DGKI: variants seen among roughly 807,000 people sequenced by gnomAD.
The protein encoded by DGKI is DAG kinase iota.
In DGKI, 55 loss-of-function variants were observed where a neutral mutation model predicts 147.5. That is an observed-to-expected ratio of 0.37 (90% CI 0.30 to 0.47). The LOEUF is 0.47. Among genes scored for constraint, DGKI ranks in the 20% least tolerant of loss-of-function variants. The pLI is 1.00. For synonymous variants in DGKI, 469 were observed against 477.1 expected (o/e 0.98, Z 0.22); for missense variants, 1,007 against 1,323.8 (o/e 0.76, Z 3.71).
intron 21 of DGKI, among the ~76,000 whole-genome samples, chr7:137,513,524 T>A (rs1816648082): frequency 6.6e-6 from 1 of 152,214 alleles, no homozygotes; most frequent in African/African-American, 2.4e-5. Flanking sequence ...AAAAGAGCAA[T>A]CTGTGGTGAA....
At chr7:137,401,369 A>C (rs1473755350) in intron 30 of DGKI, among the ~76,000 whole-genome samples, 8 of 137,312 alleles carry the variant, frequency 5.8e-5, no homozygotes, top group African/African-American at 1.8e-4. Flanking sequence ...CCAACTCTAC[A>C]AAAAAAAAAA....
At chr7:137,399,922 A>AAAAAAG (rs1554396176) in intron 30 of DGKI, among the ~76,000 whole-genome samples, 1 of 151,960 alleles carries the variant, frequency 6.6e-6, no homozygotes, top group African/African-American at 2.4e-5. Flanking sequence ...AAAAAAAAAA[A>AAAAAAG]AAAGAAAGAA....
intron 28 of DGKI, among the ~76,000 whole-genome samples, chr7:137,438,916 T>C (rs1463992926): frequency 3.9e-5 from 6 of 152,102 alleles, no homozygotes; most frequent in Admixed American, 2.0e-4. Context: ...GGAATACATA[T>C]ATGAGTTATA....
chr7:137,765,122 G>C (rs997169329), intron 1 of DGKI, among the ~76,000 whole-genome samples: 13 of 152,204 alleles, frequency 8.5e-5, no homozygotes, highest in African/African-American at 2.9e-4. Flanking sequence ...AACCATTGAA[G>C]AGGGGTGTTA....
chr7:137,591,909 A>G (rs901436421), intron 12 of DGKI, among the ~76,000 whole-genome samples: 1 of 152,204 alleles, frequency 6.6e-6, no homozygotes, highest in Non-Finnish European at 1.5e-5. Context: ...TTCAGCTGCC[A>G]TCAAATCAGA....
At chr7:137,457,577 C>T (rs764465074) in intron 27 of DGKI, among the ~76,000 whole-genome samples, 1 of 152,024 alleles carries the variant, frequency 6.6e-6, no homozygotes, top group East Asian at 1.9e-4. Context: ...TTTATCTTCT[C>T]GATATAGTGA....
chr7:137,579,381 G>A (rs1456395211), intron 15 of DGKI, among the ~76,000 whole-genome samples: 4 of 139,936 alleles, frequency 2.9e-5, no homozygotes, highest in African/African-American at 1.1e-4. Flanking sequence ...CTTAGCTTAA[G>A]ATTTCTTGAC....
At chr7:137,569,560 C>T (rs1306113604) in intron 19 of DGKI, among the ~76,000 whole-genome samples, 1 of 151,244 alleles carries the variant, frequency 6.6e-6, no homozygotes, top group Non-Finnish European at 1.5e-5. Flanking sequence ...AATCTCGTCT[C>T]TACTAAAAAT....
intron 23 of DGKI, among the ~76,000 whole-genome samples, chr7:137,484,377 G>T (rs1362523668): frequency 6.6e-6 from 1 of 152,078 alleles, no homozygotes; most frequent in Non-Finnish European, 1.5e-5. Flanking sequence ...GCTAAACCAG[G>T]ATTTTCACAT....
rs1319270345 is a variant in DGKI, at chr7:137,390,991, G to A, written c.*229C>T. ...ATAAGGATCAAATTTTGTGGAACTCGTACTGTATTCCACAAATCTCCAGGT... is the reference window on the plus strand; with the variant it reads ...ATAAGGATCAAATTTTGTGGAACTCATACTGTATTCCACAAATCTCCAGGT... On this transcript the variant is annotated 3_prime_UTR_variant, in exon 33 of 33. Transcript: ENST00000614521. The A allele has an allele frequency of 7.5e-6, 4 of 532,360 alleles. No homozygotes were observed. Among genetic ancestry groups the A allele is most frequent in the African/African-American group, 3.9e-5 (2 of 50,876 alleles). 33.0% of individuals were successfully genotyped at this position (532,360 alleles called of 1,614,324 possible).
At chr7:137,458,718 C>T (rs1158849124) in intron 27 of DGKI, among the ~76,000 whole-genome samples, 1 of 152,138 alleles carries the variant, frequency 6.6e-6, no homozygotes, top group Non-Finnish European at 1.5e-5. Flanking sequence ...CCTTACAACT[C>T]AAATAGATTT....
intron 28 of DGKI, among the ~76,000 whole-genome samples, chr7:137,423,411 C>A (rs1263326684): frequency 1.3e-5 from 2 of 152,170 alleles, no homozygotes; most frequent in Non-Finnish European, 2.9e-5. Flanking sequence ...TTGGGGTGAA[C>A]AAGTGTACTC....
At chr7:137,561,778 T>C (rs1479402287) in intron 19 of DGKI, among the ~76,000 whole-genome samples, 1 of 151,928 alleles carries the variant, frequency 6.6e-6, no homozygotes, top group Admixed American at 6.6e-5. Context: ...ACACACTATA[T>C]ACAAGGAAAT....
At position 137,479,420 on chromosome 7, in the gene DGKI, C is replaced by CAT. The variant is rs138719979; in HGVS notation, c.2373+5952_2373+5953dup. Among the ~76,000 whole-genome samples, 941 of 151,230 alleles carry CAT rather than the reference C, an allele frequency of 6.2e-3. 6 individuals carry two copies. Among genetic ancestry groups the CAT allele is most frequent in the African/African-American group, 0.013 (524 of 41,296 alleles). On this transcript the variant is annotated intron_variant, in intron 23 of 32. Coordinates refer to ENST00000614521, the MANE Select transcript of DGKI (RefSeq NM_001321708.2). ...GCACAAACACAAAACTGACATTCCT[C>CAT]ATATATATATATATTTCTGAAAGCC... is the stretch of plus-strand genomic sequence containing the variant.
At chr7:137,681,575 G>A (rs920236709) in intron 2 of DGKI, among the ~76,000 whole-genome samples, 4 of 152,118 alleles carry the variant, frequency 2.6e-5, no homozygotes, top group East Asian at 1.9e-4. Flanking sequence ...TTCTTTATTC[G>A]ATAACACTGG....
At chr7:137,465,580 T>G (rs549292264) in intron 26 of DGKI, among the ~76,000 whole-genome samples, 105 of 152,232 alleles carry the variant, frequency 6.9e-4, no homozygotes, top group South Asian at 3.5e-3. Context: ...AGGAGAAAAT[T>G]TGTCAAATCA....
At position 137,514,718 on chromosome 7, in the gene DGKI, G is replaced by A. The variant is rs986353886; in HGVS notation, c.2248+7148C>T. On this transcript the variant is annotated intron_variant, in intron 21 of 32. Coordinates refer to ENST00000614521, the MANE Select transcript of DGKI (RefSeq NM_001321708.2). ...GCGAATCCATCATCTCATCCTACCA[G>A]CATTACCTCCAAAATGTAGCCAGAA... Among the ~76,000 whole-genome samples the A allele has an allele frequency of 2.0e-5, 3 of 152,068 alleles. No individual in the cohort carries two copies. In the East Asian group the frequency reaches 5.8e-4, roughly 29 times the overall value.
intron 30 of DGKI, among the ~76,000 whole-genome samples, chr7:137,401,055 G>A (rs1811739329): frequency 1.3e-5 from 2 of 152,180 alleles, no homozygotes; most frequent in South Asian, 4.1e-4. Context: ...AGACAAGGCT[G>A]TTCTTCTCCT....
Position 137,599,682 on chromosome 7 carries a change from G to T in DGKI, c.1250+141C>A, listed in dbSNP as rs529230113. The stretch of plus-strand genomic sequence containing the variant: ...AGAGTAGGAGAGAACTTTGGATGAA[G>T]TTTTAAAGGAAGGAGAGTACAGGTG... On this transcript the variant is annotated intron_variant, in intron 11 of 32. Transcript: ENST00000614521. The T allele has an allele frequency of 2.3e-4, 155 of 671,808 alleles. 3 individuals carry two copies. In the South Asian group the frequency reaches 3.4e-3, roughly 15 times the overall value. 41.6% of individuals were successfully genotyped at this position (671,808 alleles called of 1,614,324 possible). A position where few individuals can be genotyped will look rare whatever the true frequency, so the allele number is the denominator to read the frequency against.
Sources: allele counts gnomAD v4.1 joint callset (sites outside exome capture counted in the v4.1 genomes callset), GRCh38; gene constraint gnomAD v4.1.1; transcripts MANE v1.5; gene names NCBI Gene and HGNC (gene_info 2026-07-23, HGNC 2026-07-21).